The following CMTR1 variants were observed in gnomAD, a reference collection of about 807,000 sequenced individuals.
CMTR1 encodes the protein cap-specific mRNA (nucleoside-2'-O-)-methyltransferase 1.
A neutral mutation model predicts 107.0 loss-of-function variants in CMTR1; 39 were observed. That is an observed-to-expected ratio of 0.36 (90% CI 0.28 to 0.48). The LOEUF is 0.48. Among genes scored for constraint, CMTR1 ranks in the 20% least tolerant of loss-of-function variants. The probability of loss-of-function intolerance (pLI) is 0.99; values close to 1 mark genes in which losing one functional copy is unlikely to be tolerated. For synonymous variants in CMTR1, 366 were observed against 379.5 expected, an observed-to-expected ratio of 0.96 and a Z score of 0.41; for missense variants, 672 against 1,064.9, an observed-to-expected ratio of 0.63 and a Z score of 5.14.
chr6:37,451,210 A>G (rs939118290), intron 5 of CMTR1, among the ~76,000 whole-genome samples: 3 of 152,192 alleles, frequency 2.0e-5, no homozygotes, highest in Non-Finnish European at 4.4e-5. Flanking sequence ...TTACCTGTCT[A>G]TTATCTATCC....
At chr6:37,438,475 G>C (rs1771589432) in intron 2 of CMTR1, among the ~76,000 whole-genome samples, 1 of 152,174 alleles carries the variant, frequency 6.6e-6, no homozygotes, top group African/African-American at 2.4e-5. Context: ...CAGAAAATGA[G>C]ATGGGAGGCA....
intron 11 of CMTR1, 75 bp downstream of exon 11, chr6:37,461,720 G>A (rs1761406536): frequency 1.9e-6 from 2 of 1,063,550 alleles, no homozygotes; most frequent in Non-Finnish European, 1.4e-6. Context: ...TGTACAAGGG[G>A]TTGGTGGGGA....
At chr6:37,479,830 T>G (rs1239678142) in intron 23 of CMTR1, among the ~76,000 whole-genome samples, 183 bp from the exon 24 acceptor site, 1 of 152,210 alleles carries the variant, frequency 6.6e-6, no homozygotes, top group Non-Finnish European at 1.5e-5. Context: ...AACAGCTGTT[T>G]GTTGGGAAAA....
rs895087918 is a variant in CMTR1, at chr6:37,440,153, G to A, written c.134-3846G>A. 3.9e-5 allele frequency among the ~76,000 whole-genome samples: 6 copies of A among 152,172 alleles called. No individual in the cohort carries two copies. In the East Asian group the frequency reaches 1.2e-3, roughly 29 times the overall value. On this transcript the variant is annotated intron_variant, in intron 2 of 23. Coordinates refer to ENST00000373451, the MANE Select transcript of CMTR1 (RefSeq NM_015050.3). ...GGGCTCTCTGGTAGGTTTTAGGAGG[G>A]GAGCTCCCCAGGAGGTAAATGGGAA...
intron 4 of CMTR1, among the ~76,000 whole-genome samples, chr6:37,448,469 T>C (rs971263681): frequency 1.3e-5 from 2 of 152,194 alleles, no homozygotes; most frequent in Non-Finnish European, 2.9e-5. Context: ...GAGCTTCTTG[T>C]TCTCTAGAGT....
intron 19 of CMTR1, chr6:37,475,827 A>G (rs1761725262): frequency 2.0e-6 from 1 of 493,876 alleles, no homozygotes; most frequent in South Asian, 2.1e-5. Context: ...GACACATACA[A>G]TAAAGATGAT....
chr6:37,465,094 C>A (rs1202176278), intron 13 of CMTR1, among the ~76,000 whole-genome samples: 1 of 151,974 alleles, frequency 6.6e-6, no homozygotes. Context: ...CATGGTGAAA[C>A]CCCATCTCTA....
intron 2 of CMTR1, among the ~76,000 whole-genome samples, chr6:37,442,464 CATTT>C (rs67377926): frequency 0.041 from 6,318 of 152,308 alleles, 149 homozygotes; most frequent in Middle Eastern, 0.088. Context: ...CTACAGTAAT[CATTT>C]AATTAATTTC....
intron 2 of CMTR1, among the ~76,000 whole-genome samples, chr6:37,442,107 A>G (rs1265709354): frequency 1.3e-5 from 2 of 152,210 alleles, no homozygotes; most frequent in South Asian, 2.1e-4. Context: ...AACCTTATCT[A>G]TTAGATTTTT....
chr6:37,454,655 G>A (rs1275988271), intron 8 of CMTR1, among the ~76,000 whole-genome samples: 2 of 152,164 alleles, frequency 1.3e-5, no homozygotes, highest in African/African-American at 4.8e-5. Flanking sequence ...CAGGTTGAGG[G>A]TAGAGGTGTT....
rs752669520 is a variant in CMTR1 at position 37,450,309 on chromosome 6, C to A, written c.503C>A (p.Thr168Asn). 9 of 1,613,798 alleles carry A rather than the reference C, an allele frequency of 5.6e-6. No homozygotes were observed. Among genetic ancestry groups the A allele is most frequent in the Admixed American group, 1.7e-5 (1 of 59,980 alleles). The change falls in exon 5 of 24, where the codon ACT (threonine) becomes AAT (asparagine). Residue 168 changes from threonine to asparagine, a missense_variant. Physicochemically the swap from Thr to Asn is moderately conservative, Grantham distance 65. Transcript: ENST00000373451. ...GAATGTACCACTGAAATTCCTGACA[C>A]TCAGGAAATGAGCGATTGGATGGTG... is the stretch of plus-strand genomic sequence containing the variant. ...FPECTTEIPD[T>N]QEMSDWMVVG...
chr6:37,444,195 G>T, intron 3 of CMTR1, 45 bp downstream of exon 3: 1 of 1,588,042 alleles, frequency 6.3e-7, no homozygotes, highest in Non-Finnish European at 8.6e-7. Context: ...CACCAGCAGA[G>T]TGAAAGAAGG....
Position 37,472,028 on chromosome 6 carries a change from C to A in CMTR1, c.1620+124C>A. On this transcript the variant is annotated intron_variant, in intron 15 of 23. Transcript: ENST00000373451. The surrounding 1 kb of genome is among the most constrained non-coding windows in gnomAD (Gnocchi z 4.1). Reference sequence around the variant, plus strand: ...CCAAAAATATCTGCTACCCTCACAGCATCCCAGAGGTTGACATCTCGGCAT... The same window carrying A: ...CCAAAAATATCTGCTACCCTCACAGAATCCCAGAGGTTGACATCTCGGCAT... 1 of 833,348 alleles carries A rather than the reference C, an allele frequency of 1.2e-6. No individual in the cohort carries two copies. Among genetic ancestry groups the A allele is most frequent in the East Asian group, 2.7e-5 (1 of 37,592 alleles). The allele number at this position is 833,348 out of a possible 1,614,324, so 51.6% of individuals were successfully genotyped here. A position where few individuals can be genotyped will look rare whatever the true frequency, so the allele number is the denominator to read the frequency against.
rs1432057410 is a variant in CMTR1, at chr6:37,462,118, C to G, written c.1325+16C>G. 1.2e-6 allele frequency: 2 copies of G among 1,613,854 alleles called. No individual in the cohort carries two copies. Among genetic ancestry groups the G allele is most frequent in the African/African-American group, 2.7e-5 (2 of 74,870 alleles). On this transcript the variant is annotated intron_variant, in intron 12 of 23. Transcript: ENST00000373451. ...ACTCAGAGAGGTGAAGCCTTTCTCT[C>G]TATATTAGCCAGATTAATTGGCTAA...
intron 8 of CMTR1, 150 bp downstream of exon 8, chr6:37,453,462 G>C (rs1761226866): frequency 1.4e-6 from 1 of 715,764 alleles, no homozygotes; most frequent in Non-Finnish European, 2.4e-6. Flanking sequence ...GGGTCCCACA[G>C]TGCTTCTGTG....
At chr6:37,471,178 A>T in intron 14 of CMTR1, 101 bp downstream of exon 14, 1 of 1,060,004 alleles carries the variant, frequency 9.4e-7, no homozygotes, top group Non-Finnish European at 1.4e-6. Context: ...AAACATTTTA[A>T]AACACCTGCT....
At chr6:37,476,579 A>G (rs1761742263) in intron 20 of CMTR1, among the ~76,000 whole-genome samples, 1 of 152,050 alleles carries the variant, frequency 6.6e-6, no homozygotes, top group South Asian at 2.1e-4. Flanking sequence ...GAAAAAGAGA[A>G]GGATTGTTTG....
upstream of CMTR1, among the ~76,000 whole-genome samples, chr6:37,431,012 CA>C (rs34543353): frequency 0.064 from 3,239 of 50,384 alleles, 19 homozygotes; most frequent in Middle Eastern, 0.14. Context: ...GACTCCGTCT[CA>C]AAAAAAAAAA....
rs112168444 is a variant in CMTR1, at chr6:37,452,897, C to T, written c.610-150C>T. ...CAAGGTAGTTGAGAGAGTTATTGAG[C>T]AGCCTGTGTAGGGTCACACAGTGAG... On this transcript the variant is annotated intron_variant, in intron 6 of 23. Coordinates refer to ENST00000373451, the MANE Select transcript of CMTR1 (RefSeq NM_015050.3). 1.5e-3 allele frequency: 1,025 copies of T among 673,312 alleles called. 13 individuals carry two copies. In the African/African-American group the frequency reaches 0.017, roughly 11 times the overall value. The allele number at this position is 673,312 out of a possible 1,614,324, so 41.7% of individuals were successfully genotyped here.
Sources: allele counts gnomAD v4.1 joint callset (sites outside exome capture counted in the v4.1 genomes callset), GRCh38; gene constraint gnomAD v4.1.1; non-coding constraint Gnocchi (gnomAD v3.1); transcripts MANE v1.5; gene names NCBI Gene and HGNC (gene_info 2026-07-23, HGNC 2026-07-21).